Variants in KRT27 observed in about 807,000 individuals in gnomAD.
KRT27 encodes the protein keratin, type I cytoskeletal 27.
A neutral mutation model predicts 45.3 loss-of-function variants in KRT27; 30 were observed. The ratio of observed to expected loss-of-function variants is 0.66; its 90% confidence interval spans 0.50 to 0.90. The LOEUF (loss-of-function observed/expected upper bound fraction) is 0.90. KRT27 is among the 40% of genes least tolerant of loss of function. The pLI is 0.00. For missense variants in KRT27, 610 were observed against 564.3 expected, an observed-to-expected ratio of 1.08 and a Z score of -0.82; for synonymous variants, 204 against 223.9, an observed-to-expected ratio of 0.91 and a Z score of 0.79.
In KRT27 at chr17:40,777,773, G is replaced by T. The variant is rs1346295105; in HGVS notation, c.973-41C>A. On this transcript the variant is annotated intron_variant, in intron 5 of 7. Transcript: ENST00000301656. ...ACATGGTTTAATAGAAAAGGTCACGGTGTTTTAGAATAAGCCAAAGCATTT... is the reference window on the plus strand; with the variant it reads ...ACATGGTTTAATAGAAAAGGTCACGTTGTTTTAGAATAAGCCAAAGCATTT... The T allele has an allele frequency of 1.9e-6, 3 of 1,595,482 alleles. No homozygotes were observed. In the African/African-American group the frequency reaches 4.0e-5, roughly 21 times the overall value.
chr17:40,781,847 G>A (rs950761029), intron 1 of KRT27, among the ~76,000 whole-genome samples: 12 of 152,136 alleles, frequency 7.9e-5, no homozygotes, highest in Non-Finnish European at 1.5e-4. Context: ...ATTACCAAAA[G>A]CATATACCTA....
At chr17:40,780,877 T>G (rs9891660) in intron 2 of KRT27, among the ~76,000 whole-genome samples, 1 of 151,446 alleles carries the variant, frequency 6.6e-6, no homozygotes, top group East Asian at 1.9e-4. Flanking sequence ...ATAAATAAAT[T>G]AATTAATTAA....
rs750471353 is a variant in KRT27, at chr17:40,777,618, C to T, written c.1087G>A (p.Glu363Lys). ...LEEQLHQVRT[E>K]TEGQKLEYEQ... ...TACTCGAGCTTCTGGCCCTCGGTCTCGGTTCTGACCTGGTGCAGCTGCTCC... is the reference window on the plus strand; with the variant it reads ...TACTCGAGCTTCTGGCCCTCGGTCTTGGTTCTGACCTGGTGCAGCTGCTCC... Residue 363 changes from glutamate to lysine, a missense_variant, in exon 6 of 8, where the codon GAG (glutamate) becomes AAG (lysine). Coordinates refer to ENST00000301656, the MANE Select transcript of KRT27 (RefSeq NM_181537.4). 57 of 1,613,942 alleles carry T rather than the reference C, an allele frequency of 3.5e-5. No homozygotes were observed. The highest frequency in any genetic ancestry group is 2.7e-4 in the East Asian group (12 of 44,894).
intron 5 of KRT27, among the ~76,000 whole-genome samples, 174 bp downstream of exon 5, chr17:40,779,327 AG>A (rs2038289376): frequency 6.6e-6 from 1 of 152,334 alleles, no homozygotes; most frequent in South Asian, 2.1e-4. Flanking sequence ...ATTGGCATCC[AG>A]CTATACTTTG....
Position 40,782,284 on chromosome 17 carries a change from A to C in KRT27, c.210T>G (p.Ala70=), listed in dbSNP as rs1272186092. Residue 70 remains alanine (A), a synonymous_variant, in exon 1 of 8, where the codon GCT becomes GCG. Transcript: ENST00000301656. ...GGCCGTGCTCATTCCCTGTGAAGGC[A>C]GCACAGGAAGCACTTCCCCCGCCCA... is the stretch of plus-strand genomic sequence containing the variant. ...GGLGGGSASC[A]AFTGNEHGLL... is the part of the protein sequence containing the mutation. 1.9e-6 allele frequency: 3 copies of C among 1,614,048 alleles called. No individual in the cohort carries two copies. In the African/African-American group the frequency reaches 4.0e-5, roughly 22 times the overall value.
intron 1 of KRT27, 151 bp downstream of exon 1, chr17:40,781,899 A>G (rs989319363): frequency 1.6e-6 from 1 of 620,608 alleles, no homozygotes; most frequent in African/African-American, 1.8e-5. Context: ...ATTAGAATTT[A>G]TTAGAAATTA....
In KRT27 at chr17:40,782,271, T is replaced by G. The variant is rs1270021761; in HGVS notation, c.223A>C (p.Asn75His). ...GSASCAAFTG[N>H]EHGLLSGNEK... is the part of the protein sequence containing the mutation. ...TTGCCAGAGAGGAGGCCGTGCTCAT[T>G]CCCTGTGAAGGCAGCACAGGAAGCA... Residue 75 changes from asparagine (N) to histidine (H), a missense_variant, in exon 1 of 8, where the codon AAT becomes CAT. Asn to His is a moderately conservative substitution (Grantham distance 68). Coordinates refer to ENST00000301656, the MANE Select transcript of KRT27 (RefSeq NM_181537.4). 3.1e-6 allele frequency: 5 copies of G among 1,614,046 alleles called. No individual in the cohort carries two copies. Among genetic ancestry groups the G allele is most frequent in the African/African-American group, 1.3e-5 (1 of 74,916 alleles).
At position 40,781,199 on chromosome 17, in the gene KRT27, G is replaced by C; in HGVS notation, c.516C>G (p.Asp172Glu). The C allele has an allele frequency of 6.2e-7, 1 of 1,608,698 alleles. No individual in the cohort carries two copies. Among genetic ancestry groups the C allele is most frequent in the Non-Finnish European group, 8.5e-7 (1 of 1,176,658 alleles). The change falls in exon 2 of 8, where the codon GAC becomes GAG. Residue 172 changes from aspartate to glutamate, a missense_variant. Transcript: ENST00000301656. ...TCAGCTCTACTTACTTTAGTCTGAA[G>C]TCATCAGCTGTTAGTCTTGCATTAT... ...QNDNARLTAD[D>E]FRLKFENELA... is the part of the protein sequence containing the mutation.
Position 40,782,042 on chromosome 17 carries a change from T to C in KRT27, c.444+8A>G. The C allele has an allele frequency of 1.2e-6, 2 of 1,605,358 alleles. No homozygotes were observed. Among genetic ancestry groups the C allele is most frequent in the Non-Finnish European group, 1.7e-6 (2 of 1,178,892 alleles). On this transcript the variant is annotated splice_region_variant and intron_variant, in intron 1 of 7. Coordinates refer to ENST00000301656, the MANE Select transcript of KRT27 (RefSeq NM_181537.4). ...GAGTGCTAACACTCACGCCATGGCG[T>C]TTCTTACCTGGTTCTTAAGTTCGTC... is the stretch of plus-strand genomic sequence containing the variant.
At chr17:40,779,250 A>C (rs946511873) in intron 5 of KRT27, among the ~76,000 whole-genome samples, 17 of 152,194 alleles carry the variant, frequency 1.1e-4, no homozygotes, top group Non-Finnish European at 2.1e-4. Context: ...TAGAAGATTC[A>C]AAGTCAAAAC....
At chr17:40,780,253 A>C in intron 3 of KRT27, 47 bp downstream of exon 3, 1 of 1,542,352 alleles carries the variant, frequency 6.5e-7, no homozygotes, top group Non-Finnish European at 8.7e-7. Flanking sequence ...TAGTTTTAAA[A>C]TTTGGTAGGG....
Position 40,782,229 on chromosome 17 carries a change from G to T in KRT27, c.265C>A (p.Gln89Lys). 6.2e-7 allele frequency: 1 copy of T among 1,614,210 alleles called. No individual in the cohort carries two copies. Among genetic ancestry groups the T allele is most frequent in the Non-Finnish European group, 8.5e-7 (1 of 1,180,040 alleles). Residue 89 changes from glutamine to lysine, a missense_variant, in exon 1 of 8, where the codon CAG becomes AAG. Gln to Lys is a moderately conservative substitution (Grantham distance 53). Transcript: ENST00000301656. ...GAGGCCAAGCGGTCGTTGAGGTTCT[G>T]CATGGTCACCTTCTCATTGCCAGAG... Reference protein sequence around the residue: ...LLSGNEKVTMQNLNDRLASYL... With the variant: ...LLSGNEKVTMKNLNDRLASYL...
intron 2 of KRT27, 36 bp downstream of exon 2, chr17:40,781,152 A>C: frequency 7.2e-7 from 1 of 1,382,544 alleles, no homozygotes; most frequent in Non-Finnish European, 1.0e-6. Flanking sequence ...ATGCTTAGAC[A>C]ACTTTTTTTT....
At chr17:40,777,324 A>C (rs773814639) in intron 6 of KRT27, 22 bp from the exon 7 acceptor site, 1 of 1,596,932 alleles carries the variant, frequency 6.3e-7, no homozygotes. Context: ...TAGAGCGCTT[A>C]TATTAATTAT....
intron 2 of KRT27, among the ~76,000 whole-genome samples, chr17:40,780,957 AG>A (rs2038306608): frequency 6.6e-6 from 1 of 152,230 alleles, no homozygotes; most frequent in Non-Finnish European, 1.5e-5. Context: ...GAATGGGAAT[AG>A]CCAAAATTCT....
At chr17:40,780,538 A>G in intron 2 of KRT27, 82 bp from the exon 3 acceptor site, 1 of 1,313,846 alleles carries the variant, frequency 7.6e-7, no homozygotes, top group South Asian at 1.3e-5. Context: ...ACTCAGACTA[A>G]GCTTTGAGGT....
intron 6 of KRT27, 58 bp downstream of exon 6, chr17:40,777,457 C>G (rs2038275439): frequency 6.3e-7 from 1 of 1,593,606 alleles, no homozygotes; most frequent in Admixed American, 1.7e-5. Context: ...TACTTGATTT[C>G]AAATCATCTT....
chr17:40,780,386 C>T lies in KRT27; in HGVS notation c.598G>A (p.Glu200Lys). Residue 200 changes from glutamate to lysine, a missense_variant, in exon 3 of 8, where the codon GAG becomes AAG. Physicochemically the swap from Glu to Lys is moderately conservative, Grantham distance 56. Transcript: ENST00000301656. ...AGGTCCGTTCTGCACAAGGTCAGCT[C>T]ATCCAGGACTCTTCGCAAACCATTG... is the stretch of plus-strand genomic sequence containing the variant. ...DINGLRRVLD[E>K]LTLCRTDLEI... The T allele has an allele frequency of 6.2e-7, 1 of 1,613,858 alleles. No homozygotes were observed. The highest frequency in any genetic ancestry group is 8.5e-7 in the Non-Finnish European group (1 of 1,179,910).
At chr17:40,780,255 T>C (rs2038299005) in intron 3 of KRT27, 45 bp downstream of exon 3, 1 of 1,545,332 alleles carries the variant, frequency 6.5e-7, no homozygotes, top group Non-Finnish European at 8.7e-7. Flanking sequence ...GTTTTAAAAT[T>C]TGGTAGGGAG....
Sources: allele counts gnomAD v4.1 joint callset (sites outside exome capture counted in the v4.1 genomes callset), GRCh38; gene constraint gnomAD v4.1.1; transcripts MANE v1.5; gene names NCBI Gene and HGNC (gene_info 2026-07-23, HGNC 2026-07-21).